SLC39A9: variants seen among roughly 807,000 people sequenced by gnomAD.
SLC39A9 encodes solute carrier family 39 member 9, also known as zinc transporter ZIP9.
SLC39A9 carries 14 observed loss-of-function variants against 28.4 expected under a neutral mutation model. That is an observed-to-expected ratio of 0.49 (90% confidence interval 0.33 to 0.77). The LOEUF (loss-of-function observed/expected upper bound fraction) is 0.77, where lower values mean the gene tolerates loss of function less well. Ranked by LOEUF, SLC39A9 falls within the 30% of genes least tolerant of loss-of-function variation. The pLI, the probability that SLC39A9 is intolerant of heterozygous loss-of-function variation, is 0.02. For missense variants in SLC39A9, 283 were observed against 381.1 expected (o/e 0.74, Z 2.14); for synonymous variants, 119 against 149.6 (o/e 0.80, Z 1.49).
intron 1 of SLC39A9, among the ~76,000 whole-genome samples, chr14:69,410,017 A>G (rs138186024): frequency 1.5e-4 from 23 of 152,258 alleles, no homozygotes; most frequent in Non-Finnish European, 2.4e-4. Context: ...TATCAATGAT[A>G]TATTTGTTGG....
intron 3 of SLC39A9, among the ~76,000 whole-genome samples, chr14:69,452,740 T>C (rs1395262244): frequency 6.6e-6 from 1 of 151,866 alleles, no homozygotes; most frequent in Non-Finnish European, 1.5e-5. Context: ...GTGATGAAAA[T>C]TTAGGTTAGG....
At chr14:69,441,737 T>C (rs755811128) in intron 2 of SLC39A9, 54 of 956,476 alleles carry the variant, frequency 5.6e-5, no homozygotes, top group Non-Finnish European at 6.7e-5. Context: ...CTGGTGAGAT[T>C]GGCATGAATT....
At chr14:69,444,335 C>T (rs1366169750) in intron 3 of SLC39A9, among the ~76,000 whole-genome samples, 1 of 152,120 alleles carries the variant, frequency 6.6e-6, no homozygotes, top group African/African-American at 2.4e-5. Flanking sequence ...CTTTGGTCGA[C>T]AGAAAAATCT....
chr14:69,424,240 G>T, intron 2 of SLC39A9, 38 bp downstream of exon 2: 2 of 1,464,484 alleles, frequency 1.4e-6, no homozygotes, highest in South Asian at 2.3e-5. Flanking sequence ...ATATGTTATT[G>T]ACTTGGAGGG....
intron 3 of SLC39A9, among the ~76,000 whole-genome samples, chr14:69,443,643 C>T (rs532824073): frequency 2.0e-5 from 3 of 152,054 alleles, no homozygotes; most frequent in East Asian, 3.9e-4. Context: ...CCAAGATGGG[C>T]GGATCCTTTT....
chr14:69,438,922 G>T (rs962103213), intron 2 of SLC39A9, among the ~76,000 whole-genome samples: 1 of 152,058 alleles, frequency 6.6e-6, no homozygotes, highest in Non-Finnish European at 1.5e-5. Context: ...AAATATAGGG[G>T]GCCCTAGCCA....
At chr14:69,406,447 A>G (rs1882916511) in intron 1 of SLC39A9, among the ~76,000 whole-genome samples, 1 of 152,140 alleles carries the variant, frequency 6.6e-6, no homozygotes, top group East Asian at 1.9e-4. Context: ...TCTGTATATG[A>G]TAGTCTTAAC....
intron 1 of SLC39A9, among the ~76,000 whole-genome samples, chr14:69,402,328 G>A (rs1195463914): frequency 6.6e-6 from 1 of 152,074 alleles, no homozygotes; most frequent in African/African-American, 2.4e-5. Flanking sequence ...CGGCCCACGA[G>A]CCATGAGTTG....
intron 2 of SLC39A9, among the ~76,000 whole-genome samples, chr14:69,430,628 C>CTTTTTTTTTTTTTTTTTTT (rs71446389): frequency 7.3e-6 from 1 of 137,748 alleles, no homozygotes. Flanking sequence ...ATTTTTCTTT[C>CTTTTTTTTTTTTTTTTTTT]TTTTTTTTTT....
rs1399280249 is a variant in SLC39A9 at position 69,459,552 on chromosome 14, T to G, written c.*959T>G. 1.1e-6 allele frequency: 1 copy of G among 951,836 alleles called. No homozygotes were observed. Among genetic ancestry groups the G allele is most frequent in the Non-Finnish European group, 1.2e-6 (1 of 813,146 alleles). The allele number at this position is 951,836 out of a possible 1,614,324, so 59.0% of individuals were successfully genotyped here. A position where few individuals can be genotyped will look rare whatever the true frequency, so the allele number is the denominator to read the frequency against. On this transcript the variant is annotated 3_prime_UTR_variant, in exon 7 of 7. Coordinates refer to ENST00000336643, the MANE Select transcript of SLC39A9 (RefSeq NM_018375.5). ...ACCAAAATGTATGGTTGTCCTTTTT[T>G]TTTGTTTTTTTTTTTTTTAATTATT...
upstream of SLC39A9, chr14:69,398,663 T>C (rs931662381): frequency 1.2e-5 from 3 of 253,338 alleles, no homozygotes; most frequent in South Asian, 7.8e-5. Flanking sequence ...AAGGAGGGGG[T>C]GGTTAGACAA....
intron 3 of SLC39A9, among the ~76,000 whole-genome samples, chr14:69,443,696 T>C (rs1885153545): frequency 2.0e-5 from 3 of 151,706 alleles, no homozygotes. Context: ...ATGGCAAAAC[T>C]CCATCTCTAC....
chr14:69,399,281 C>T lies in SLC39A9; in HGVS notation c.-89C>T, dbSNP rs1882487420. On this transcript the variant is annotated 5_prime_UTR_variant, in exon 1 of 7. Transcript: ENST00000336643. ...AACTGGAAAGCCCACTCTCTTGGAA[C>T]CACCACACCTGTTTAAAGAACCTAA... 2 of 1,161,626 alleles carry T rather than the reference C, an allele frequency of 1.7e-6. No individual in the cohort carries two copies. Among genetic ancestry groups the T allele is most frequent in the Admixed American group, 2.0e-5 (1 of 49,116 alleles). The allele number at this position is 1,161,626 out of a possible 1,614,324, so 72.0% of individuals were successfully genotyped here. A position where few individuals can be genotyped will look rare whatever the true frequency, so the allele number is the denominator to read the frequency against.
At chr14:69,409,674 A>C (rs1434788281) in intron 1 of SLC39A9, among the ~76,000 whole-genome samples, 1 of 152,184 alleles carries the variant, frequency 6.6e-6, no homozygotes, top group Admixed American at 6.5e-5. Flanking sequence ...CATTACATTC[A>C]ATTATGTACA....
rs530126542 is a variant in SLC39A9 at position 69,404,092 on chromosome 14, G to A, written c.96+4627G>A. Among the ~76,000 whole-genome samples, 5 of 152,216 alleles carry A rather than the reference G, an allele frequency of 3.3e-5. No individual in the cohort carries two copies. In the South Asian group the frequency reaches 8.3e-4, roughly 25 times the overall value. ...AAAAACAGCAAAACTGGATGTAGTG[G>A]CACACACTGGTTAGTCCCAGCTACT... is the stretch of plus-strand genomic sequence containing the variant. On this transcript the variant is annotated intron_variant, in intron 1 of 6. Coordinates refer to ENST00000336643, the MANE Select transcript of SLC39A9 (RefSeq NM_018375.5).
intron 2 of SLC39A9, among the ~76,000 whole-genome samples, chr14:69,437,334 G>A (rs1033668975): frequency 6.6e-6 from 1 of 152,142 alleles, no homozygotes; most frequent in Admixed American, 6.5e-5. Flanking sequence ...CTACCTCTTA[G>A]CAACCTCTTT....
At position 69,455,738 on chromosome 14, in the gene SLC39A9, G is replaced by C; in HGVS notation, c.565G>C (p.Ala189Pro). ...GATGATTTTTTATTTCCAGGCACCAGCTGCTTTTGGACTGGTTTCCTTCTT... is the reference window on the plus strand; with the variant it reads ...GATGATTTTTTATTTCCAGGCACCACCTGCTTTTGGACTGGTTTCCTTCTT... ...FVAIMLHKAP[A>P]AFGLVSFLMH... The change falls in exon 6 of 7, where the codon GCT (alanine) becomes CCT (proline). Residue 189 changes from alanine to proline, a missense_variant. Coordinates refer to ENST00000336643, the MANE Select transcript of SLC39A9 (RefSeq NM_018375.5). The C allele has an allele frequency of 6.2e-7, 1 of 1,614,124 alleles. No individual in the cohort carries two copies. Among genetic ancestry groups the C allele is most frequent in the Non-Finnish European group, 8.5e-7 (1 of 1,180,008 alleles).
chr14:69,408,484 T>C lies in SLC39A9; in HGVS notation c.96+9019T>C, dbSNP rs1271901588. Among the ~76,000 whole-genome samples the C allele has an allele frequency of 2.0e-5, 3 of 152,206 alleles. No individual in the cohort carries two copies. In the East Asian group the frequency reaches 5.8e-4, roughly 29 times the overall value. On this transcript the variant is annotated intron_variant, in intron 1 of 6. Transcript: ENST00000336643. ...ATAAGACAGCCCCAGTGTCATGATATATGGCAGCTGACCTTCAGTGTCAGT... is the reference window on the plus strand; with the variant it reads ...ATAAGACAGCCCCAGTGTCATGATACATGGCAGCTGACCTTCAGTGTCAGT...
intron 2 of SLC39A9, among the ~76,000 whole-genome samples, chr14:69,425,530 T>TA (rs1884143242): frequency 6.6e-6 from 1 of 152,226 alleles, no homozygotes; most frequent in African/African-American, 2.4e-5. Flanking sequence ...CTGCAATTCT[T>TA]ATGAAACAAG....
Sources: allele counts gnomAD v4.1 joint callset (sites outside exome capture counted in the v4.1 genomes callset), GRCh38; gene constraint gnomAD v4.1.1; transcripts MANE v1.5; gene names NCBI Gene and HGNC (gene_info 2026-07-23, HGNC 2026-07-21).